ZMYM5: variants seen among roughly 807,000 people sequenced by gnomAD.
ZMYM5 encodes zinc finger MYM-type protein 5.
ZMYM5 carries 41 observed loss-of-function variants against 61.8 expected under a neutral mutation model. The observed-to-expected ratio is 0.66, with a 90% CI of 0.52 to 0.86. ZMYM5 has a LOEUF of 0.86. Among genes scored for constraint, ZMYM5 ranks in the 40% least tolerant of loss-of-function variants. The pLI is 0.00. For synonymous variants in ZMYM5, 257 were observed against 276.4 expected (o/e 0.93, Z 0.70); for missense variants, 706 against 786.7 (o/e 0.90, Z 1.23).
rs775933914 is a variant in ZMYM5, at chr13:19,838,940, T to A, written c.632A>T (p.Gln211Leu). The A allele has an allele frequency of 1.9e-6, 3 of 1,614,016 alleles. No homozygotes were observed. The highest frequency in any genetic ancestry group is 2.7e-5 in the African/African-American group (2 of 74,932). Residue 211 changes from glutamine to leucine, a missense_variant, in exon 5 of 8, where the codon CAG becomes CTG. Around this residue, in one of 2 missense-constraint regions of ZMYM5, gnomAD observed 480 missense variants for 461.7 expected, o/e 1.04. Coordinates refer to ENST00000337963, the MANE Select transcript of ZMYM5 (RefSeq NM_001142684.2). ...QSASFPSNQK[Q>L]PGVDSLSPVA... ...TGGTGATAAAGAATCCACCCCTGGCTGTTTCTGATTACTGGGAAATGAAGC... is the reference window on the plus strand; with the variant it reads ...TGGTGATAAAGAATCCACCCCTGGCAGTTTCTGATTACTGGGAAATGAAGC...
Position 19,838,785 on chromosome 13 carries a change from A to G in ZMYM5, c.787T>C (p.Ser263Pro). 6.2e-7 allele frequency: 1 copy of G among 1,614,182 alleles called. No homozygotes were observed. The highest frequency in any genetic ancestry group is 8.5e-7 in the Non-Finnish European group (1 of 1,180,038). ...GTGGTAGAGCAAAAGAGGTGAGCTGATCCTTTTCGTTGATAAGCTGTCTGT... is the reference window on the plus strand; with the variant it reads ...GTGGTAGAGCAAAAGAGGTGAGCTGGTCCTTTTCGTTGATAAGCTGTCTGT... ...KGQTAYQRKG[S>P]AHLFCSTTCL... The change falls in exon 5 of 8, where the codon TCA becomes CCA. Residue 263 changes from serine to proline, a missense_variant. This residue lies in a region of ZMYM5 where 480 missense variants were observed against 461.7 expected (regional missense o/e 1.04). Coordinates refer to ENST00000337963, the MANE Select transcript of ZMYM5 (RefSeq NM_001142684.2).
At chr13:19,853,318 C>CA (rs1953381319) in intron 2 of ZMYM5, among the ~76,000 whole-genome samples, 2 of 152,240 alleles carry the variant, frequency 1.3e-5, no homozygotes, top group Admixed American at 6.5e-5. Flanking sequence ...AGGACATGTG[C>CA]ACAGGTGGTA....
chr13:19,839,041 A>G (rs887920787), intron 4 of ZMYM5, 56 bp from the exon 5 acceptor site: 2 of 1,570,982 alleles, frequency 1.3e-6, no homozygotes, highest in African/African-American at 2.7e-5. Context: ...ACATCAGAAA[A>G]ATAACTTGCA....
intron 4 of ZMYM5, among the ~76,000 whole-genome samples, chr13:19,846,436 A>G (rs570826576): frequency 7.3e-4 from 111 of 152,316 alleles, no homozygotes; most frequent in African/African-American, 2.6e-3. Context: ...CATCACTTCA[A>G]GAAAACAGAG....
At chr13:19,829,978 A>AG (rs1751215292) in intron 7 of ZMYM5, among the ~76,000 whole-genome samples, 1 of 152,168 alleles carries the variant, frequency 6.6e-6, no homozygotes, top group Non-Finnish European at 1.5e-5. Flanking sequence ...TTTCTTGGAC[A>AG]AGATGATTAT....
At chr13:19,860,212 G>A (rs1353823341) in intron 2 of ZMYM5, among the ~76,000 whole-genome samples, 1 of 148,550 alleles carries the variant, frequency 6.7e-6, no homozygotes, top group Admixed American at 6.7e-5. Context: ...TGCAACCTCC[G>A]CCTCCTGGGT....
chr13:19,834,507 T>TG (rs142239423), intron 7 of ZMYM5, among the ~76,000 whole-genome samples: 1,821 of 150,344 alleles, frequency 0.012, 38 homozygotes, highest in African/African-American at 0.041. Context: ...AGGCCGGTCT[T>TG]GAACTCCTGG....
intron 4 of ZMYM5, among the ~76,000 whole-genome samples, chr13:19,850,891 T>C (rs1035986588): frequency 3.3e-5 from 5 of 152,152 alleles, no homozygotes; most frequent in Non-Finnish European, 7.3e-5. Flanking sequence ...TACAGTTTTA[T>C]TAAGTAAAAT....
rs4040780 is a variant in ZMYM5, at chr13:19,840,777, T to C, written c.587-1792A>G. Among the ~76,000 whole-genome samples, 637 of 151,906 alleles carry C rather than the reference T, an allele frequency of 4.2e-3. 2 individuals carry two copies. The highest frequency in any genetic ancestry group is 0.01 in the Middle Eastern group (3 of 294). On this transcript the variant is annotated intron_variant, in intron 4 of 7. Coordinates refer to ENST00000337963, the MANE Select transcript of ZMYM5 (RefSeq NM_001142684.2). ...CTGCAAGCTCCACCTCCTGGGTTCA[T>C]GCCATTCTCCTACCTCAAGCCTCCT...
rs776247893 is a variant in ZMYM5 at position 19,851,949 on chromosome 13, C to T, written c.232G>A (p.Asp78Asn). Residue 78 changes from aspartate (D) to asparagine (N), a missense_variant, in exon 3 of 8, where the codon GAT becomes AAT. Physicochemically the swap from Asp to Asn is conservative, Grantham distance 23. Transcript: ENST00000337963. ...GATGCAAATATGAAGTTTCTTTGAT[C>T]AGCTATTGCTGGAGCAGAAATTGAA... is the stretch of plus-strand genomic sequence containing the variant. ...PPSISAPAIA[D>N]QRNFIFASSK... 7 of 1,613,856 alleles carry T rather than the reference C, an allele frequency of 4.3e-6. No individual in the cohort carries two copies. The South Asian group carries it at 7.7e-5, about 18-fold the overall frequency.
chr13:19,848,375 G>A (rs922242259), intron 4 of ZMYM5, among the ~76,000 whole-genome samples: 7 of 151,912 alleles, frequency 4.6e-5, no homozygotes, highest in African/African-American at 7.3e-5. Flanking sequence ...CAAACTCCTC[G>A]GCTCAAGTGA....
Position 19,859,391 on chromosome 13 carries a change from TTTTG to T in ZMYM5, c.-11+3004_-11+3007del, listed in dbSNP as rs531913720. ...TCCAATTTGCTTTTTAGTTCCCGTT[TTTTG>T]TTTGTTTGTTTGTTTGTTTGTTTTT... is the stretch of plus-strand genomic sequence containing the variant. On this transcript the variant is annotated intron_variant, in intron 2 of 7. Coordinates refer to ENST00000337963, the MANE Select transcript of ZMYM5 (RefSeq NM_001142684.2). Among the ~76,000 whole-genome samples, 548 of 152,142 alleles carry T rather than the reference TTTTG, an allele frequency of 3.6e-3. 4 individuals are homozygous for T. The highest frequency in any genetic ancestry group is 0.014 in the South Asian group (67 of 4,816).
intron 5 of ZMYM5, 37 bp from the exon 6 acceptor site, chr13:19,837,858 C>A (rs762905949): frequency 5.1e-6 from 8 of 1,558,942 alleles, no homozygotes; most frequent in East Asian, 2.3e-5. Flanking sequence ...TTTAAGAACA[C>A]TGAATTTTAA....
At position 19,851,813 on chromosome 13, in the gene ZMYM5, T is replaced by A. The variant is rs1953312939; in HGVS notation, c.368A>T (p.Glu123Val). The change falls in exon 3 of 8, where the codon GAG (glutamate) becomes GTG (valine). Residue 123 changes from glutamate to valine, a missense_variant. By Grantham distance (121) the Glu-to-Val change is moderately radical (BLOSUM62 -2). This residue lies in a region of ZMYM5 where 480 missense variants were observed against 461.7 expected (regional missense o/e 1.04). Coordinates refer to ENST00000337963, the MANE Select transcript of ZMYM5 (RefSeq NM_001142684.2). Reference sequence around the variant, plus strand: ...TGCTCCTCCATTTGTTTCTATGTCCTCTTCATCATCAATAACAATTGTCTC... The same window carrying A: ...TGCTCCTCCATTTGTTTCTATGTCCACTTCATCATCAATAACAATTGTCTC... Reference protein sequence around the residue: ...ISETIVIDDEEDIETNGGAEK... With the variant: ...ISETIVIDDEVDIETNGGAEK... The A allele has an allele frequency of 6.2e-7, 1 of 1,612,926 alleles. No individual in the cohort carries two copies. Among genetic ancestry groups the A allele is most frequent in the African/African-American group, 1.3e-5 (1 of 74,966 alleles).
At chr13:19,842,960 CAAAAAAAAA>C (rs753799756) in intron 4 of ZMYM5, among the ~76,000 whole-genome samples, 27 of 77,780 alleles carry the variant, frequency 3.5e-4, no homozygotes, top group South Asian at 7.4e-4. Context: ...AACTCCATCT[CAAAAAAAAA>C]AAAAAAAAAA....
Position 19,852,144 on chromosome 13 carries a change from C to A in ZMYM5, c.37G>T (p.Glu13Ter). The change falls in exon 3 of 8, where the codon GAA becomes TAA. Residue 13 changes from glutamate to a stop codon, truncating the protein, a stop_gained. Transcript: ENST00000337963. LOFTEE classifies it high-confidence loss of function. ...TTCCCTAATAAAGCAGGAGTCTGTT[C>A]AGTCAACTCTAATCCTCCCACTGAA... ...KCSVGGLELT[E>*]QTPALLGNMA... The A allele has an allele frequency of 1.2e-6, 2 of 1,611,502 alleles. No individual in the cohort carries two copies. Among genetic ancestry groups the A allele is most frequent in the African/African-American group, 1.3e-5 (1 of 74,970 alleles).
intron 5 of ZMYM5, among the ~76,000 whole-genome samples, chr13:19,838,433 A>C (rs1952745821): frequency 1.3e-5 from 2 of 152,166 alleles, no homozygotes; most frequent in Admixed American, 1.3e-4. Flanking sequence ...CTAAGGTGTT[A>C]AGATGGGGGA....
intron 7 of ZMYM5, 111 bp from the exon 8 acceptor site, chr13:19,825,346 A>G: frequency 1.9e-6 from 2 of 1,035,986 alleles, no homozygotes; most frequent in Non-Finnish European, 2.5e-6. Context: ...AGAAATGCCA[A>G]TCAAAAAGAC....
At chr13:19,832,532 G>A (rs1952562218) in intron 7 of ZMYM5, among the ~76,000 whole-genome samples, 1 of 151,936 alleles carries the variant, frequency 6.6e-6, no homozygotes, top group Non-Finnish European at 1.5e-5. Flanking sequence ...TCACTATGTT[G>A]GCCAGGCTGG....
Sources: gnomAD v4.1 joint callset for allele counts (sites outside exome capture counted in the v4.1 genomes callset) on GRCh38, gnomAD v4.1.1 for gene constraint, gnomAD v4.1.1 regional missense constraint, MANE v1.5 for transcripts, NCBI Gene and HGNC (gene_info 2026-07-23, HGNC 2026-07-21) for gene names.